The following SLCO6A1 variants were observed in gnomAD, a reference collection of about 807,000 sequenced individuals.
SLCO6A1 encodes solute carrier organic anion transporter family member 6A1.
A neutral mutation model predicts 72.7 loss-of-function variants in SLCO6A1; 65 were observed. The ratio of observed to expected loss-of-function variants is 0.89; its 90% CI spans 0.73 to 1.10. SLCO6A1 has a LOEUF of 1.10. Ranked by LOEUF, SLCO6A1 falls within the 50% of genes least tolerant of loss-of-function variation. The pLI is 0.00. For synonymous variants in SLCO6A1, 314 were observed against 298.2 expected (o/e 1.05, Z -0.55); for missense variants, 874 against 872.6 (o/e 1.00, Z -0.02).
chr5:102,498,402 C>T (rs1753005276), intron 1 of SLCO6A1, 85 bp downstream of exon 1: 4 of 1,330,404 alleles, frequency 3.0e-6, no homozygotes, highest in Admixed American at 2.0e-5. Context: ...CACCCCAGGG[C>T]GTCCTCCGCC....
intron 6 of SLCO6A1, among the ~76,000 whole-genome samples, chr5:102,444,364 G>A (rs945459144): frequency 1.3e-5 from 2 of 152,072 alleles, no homozygotes; most frequent in East Asian, 3.9e-4. Context: ...TTGCATGGCA[G>A]AAGACACTGA....
intron 7 of SLCO6A1, among the ~76,000 whole-genome samples, chr5:102,438,385 G>A (rs965861505): frequency 6.6e-6 from 1 of 151,998 alleles, no homozygotes; most frequent in Non-Finnish European, 1.5e-5. Flanking sequence ...GTGATTACCT[G>A]TGAAAAGGAA....
At chr5:102,469,197 A>G (rs1751470938) in intron 4 of SLCO6A1, among the ~76,000 whole-genome samples, 1 of 152,082 alleles carries the variant, frequency 6.6e-6, no homozygotes, top group Non-Finnish European at 1.5e-5. Context: ...AATTCTGTGA[A>G]GCAAGTCATT....
chr5:102,403,378 G>C (rs906617703), intron 9 of SLCO6A1, among the ~76,000 whole-genome samples: 4 of 152,038 alleles, frequency 2.6e-5, no homozygotes, highest in Admixed American at 2.6e-4. Context: ...AATAATTCAT[G>C]ACCACTGAAA....
intron 12 of SLCO6A1, among the ~76,000 whole-genome samples, chr5:102,379,394 G>T (rs9327851): frequency 0.65 from 98,356 of 151,896 alleles, 32,046 homozygotes; most frequent in African/African-American, 0.67. Context: ...AAGGCTTTAT[G>T]GTTTTATCTT....
At chr5:102,489,963 C>T (rs1298679875) in intron 1 of SLCO6A1, among the ~76,000 whole-genome samples, 1 of 152,124 alleles carries the variant, frequency 6.6e-6, no homozygotes, top group African/African-American at 2.4e-5. Context: ...TAAAGAACAT[C>T]ATGTTAAGTG....
chr5:102,385,316 T>G (rs530082679), intron 12 of SLCO6A1, among the ~76,000 whole-genome samples: 2 of 152,288 alleles, frequency 1.3e-5, no homozygotes, highest in East Asian at 3.9e-4. Context: ...GTGTTACTTA[T>G]GCTTCATGGA....
At chr5:102,404,726 G>A (rs1747581576) in intron 9 of SLCO6A1, among the ~76,000 whole-genome samples, 2 of 152,044 alleles carry the variant, frequency 1.3e-5, no homozygotes, top group Non-Finnish European at 2.9e-5. Context: ...CACAATGTTA[G>A]TATGAAATGT....
intron 4 of SLCO6A1, among the ~76,000 whole-genome samples, chr5:102,473,747 A>G (rs748499364): frequency 1.3e-5 from 2 of 152,026 alleles, no homozygotes; most frequent in African/African-American, 2.4e-5. Context: ...TACACATAAC[A>G]TATGTGTAAC....
At position 102,412,975 on chromosome 5, in the gene SLCO6A1, A is replaced by G; in HGVS notation, c.1626+15T>C. ...AAATGTATAACAAAACATAATAATT[A>G]TAAAAAATAATTACCTTTTTTTGGT... On this transcript the variant is annotated intron_variant, in intron 9 of 13. Transcript: ENST00000506729. 8.5e-7 allele frequency: 1 copy of G among 1,172,544 alleles called. No individual in the cohort carries two copies. Among genetic ancestry groups the G allele is most frequent in the Non-Finnish European group, 1.1e-6 (1 of 896,658 alleles). 72.6% of individuals were successfully genotyped at this position (1,172,544 alleles called of 1,614,324 possible). A position where few individuals can be genotyped will look rare whatever the true frequency, so the allele number is the denominator to read the frequency against.
intron 7 of SLCO6A1, among the ~76,000 whole-genome samples, chr5:102,425,088 C>T (rs868866672): frequency 6.6e-6 from 1 of 152,114 alleles, no homozygotes; most frequent in Non-Finnish European, 1.5e-5. Flanking sequence ...GCTAAAAACA[C>T]TCAATAAACT....
At chr5:102,473,931 C>T (rs932777523) in intron 4 of SLCO6A1, among the ~76,000 whole-genome samples, 4 of 151,704 alleles carry the variant, frequency 2.6e-5, no homozygotes, top group African/African-American at 4.8e-5. Flanking sequence ...AGATGTAAAG[C>T]GATCCCATGT....
chr5:102,450,312 A>T (rs1211840751), intron 6 of SLCO6A1, among the ~76,000 whole-genome samples: 1 of 152,066 alleles, frequency 6.6e-6, no homozygotes, highest in South Asian at 2.1e-4. Context: ...TCATTTCTGG[A>T]TGTTTTCAGA....
At chr5:102,426,672 G>C (rs566541084) in intron 7 of SLCO6A1, among the ~76,000 whole-genome samples, 1 of 152,320 alleles carries the variant, frequency 6.6e-6, no homozygotes, top group South Asian at 2.1e-4. Flanking sequence ...CTGTTGGTGG[G>C]AGTGTAAATT....
intron 4 of SLCO6A1, among the ~76,000 whole-genome samples, chr5:102,472,686 A>G (rs1751688748): frequency 6.6e-6 from 1 of 152,084 alleles, no homozygotes; most frequent in East Asian, 1.9e-4. Flanking sequence ...TAAACAAAAC[A>G]AAGAGATGGT....
intron 10 of SLCO6A1, among the ~76,000 whole-genome samples, chr5:102,392,014 A>AT (rs1442157855): frequency 1.3e-5 from 2 of 152,116 alleles, no homozygotes; most frequent in African/African-American, 4.8e-5. Flanking sequence ...TAAGAACTAC[A>AT]TTATTAATGG....
chr5:102,454,032 G>C (rs1047033383), intron 6 of SLCO6A1, among the ~76,000 whole-genome samples: 3 of 152,200 alleles, frequency 2.0e-5, no homozygotes, highest in African/African-American at 7.2e-5. Context: ...AGCTTTCAAA[G>C]CCTAATATCA....
rs749290203 is a variant in SLCO6A1, at chr5:102,419,914, A to T, written c.1384T>A (p.Ser462Thr). The change falls in exon 8 of 14, where the codon TCT (serine) becomes ACT (threonine). Residue 462 changes from serine (S) to threonine (T), a missense_variant. Physicochemically the swap from Ser to Thr is moderately conservative, Grantham distance 58 (BLOSUM62 1). Transcript: ENST00000506729. ...ACAAGCAGTATAAGTGATATCACAG[A>T]TGTAACCATTATAAATCTCATAAGG... The part of the protein sequence containing the change: ...KALMRFIMVT[S>T]VISLILLVFI... The T allele has an allele frequency of 3.7e-6, 6 of 1,609,394 alleles. No individual in the cohort carries two copies. In the East Asian group the frequency reaches 6.7e-5, roughly 18 times the overall value.
intron 7 of SLCO6A1, among the ~76,000 whole-genome samples, chr5:102,436,964 T>G (rs981040197): frequency 8.5e-5 from 13 of 152,114 alleles, no homozygotes; most frequent in African/African-American, 3.1e-4. Flanking sequence ...GATCATCAAG[T>G]GTTTATATCA....
Sources: allele counts gnomAD v4.1 joint callset (sites outside exome capture counted in the v4.1 genomes callset), GRCh38; gene constraint gnomAD v4.1.1; transcripts MANE v1.5; gene names NCBI Gene and HGNC (gene_info 2026-07-23, HGNC 2026-07-21).